SDK1: variants seen among roughly 807,000 people sequenced by gnomAD.
The protein encoded by SDK1 is protein sidekick-1.
In SDK1, 157 loss-of-function variants were observed where a neutral mutation model predicts 245.5. The observed-to-expected ratio is 0.64, with a 90% confidence interval of 0.56 to 0.73. The LOEUF (loss-of-function observed/expected upper bound fraction) is 0.73, where lower values mean the gene tolerates loss of function less well. Ranked by LOEUF, SDK1 falls within the 30% of genes least tolerant of loss-of-function variation. The pLI, the probability that SDK1 is intolerant of heterozygous loss-of-function variation, is 0.00. For synonymous variants in SDK1, 1,647 were observed against 1,278.5 expected (o/e 1.29, Z -6.15); for missense variants, 3,583 against 3,002.3 (o/e 1.19, Z -4.52).
intron 4 of SDK1, among the ~76,000 whole-genome samples, chr7:3,699,892 G>C (rs529193898): frequency 1.3e-5 from 2 of 152,090 alleles, no homozygotes; most frequent in African/African-American, 4.8e-5. Flanking sequence ...TGCACATCAA[G>C]AAACATAGTA....
intron 22 of SDK1, among the ~76,000 whole-genome samples, chr7:4,091,458 T>G (rs946489341): frequency 6.7e-6 from 1 of 148,730 alleles, no homozygotes; most frequent in Non-Finnish European, 1.5e-5. Context: ...TTCTCATGCC[T>G]CAGCTTCCTG....
At position 3,312,484 on chromosome 7, in the gene SDK1, T is replaced by C. The variant is rs550066568; in HGVS notation, c.298+10600T>C. On this transcript the variant is annotated intron_variant, in intron 1 of 44. Coordinates refer to ENST00000404826, the MANE Select transcript of SDK1 (RefSeq NM_152744.4). ...AGAGATGAAAGGGGTAAGATCATAA[T>C]GAAAGAGCACAGATTAGAAAAATAA... Among the ~76,000 whole-genome samples the C allele has an allele frequency of 4.7e-4, 72 of 152,016 alleles. 1 individual carries two copies. Among genetic ancestry groups the C allele is most frequent in the African/African-American group, 1.7e-3 (70 of 41,454 alleles).
intron 2 of SDK1, among the ~76,000 whole-genome samples, chr7:3,636,433 C>G (rs1782459347): frequency 1.3e-5 from 2 of 152,318 alleles, no homozygotes; most frequent in Admixed American, 1.3e-4. Flanking sequence ...GACTATTTTA[C>G]ATTCCTCTTA....
intron 22 of SDK1, among the ~76,000 whole-genome samples, chr7:4,110,244 C>G (rs1277624194): frequency 6.6e-6 from 1 of 152,186 alleles, no homozygotes; most frequent in Non-Finnish European, 1.5e-5. Flanking sequence ...GTGCCCACAG[C>G]TCTGTCACTG....
chr7:3,864,858 A>G (rs1053295004), intron 5 of SDK1, among the ~76,000 whole-genome samples: 3 of 152,232 alleles, frequency 2.0e-5, no homozygotes, highest in Admixed American at 6.5e-5. Context: ...CACTAATACC[A>G]GTAGTGACGA....
At chr7:3,560,379 C>G (rs1324532076) in intron 1 of SDK1, among the ~76,000 whole-genome samples, 2 of 151,458 alleles carry the variant, frequency 1.3e-5, no homozygotes, top group African/African-American at 4.9e-5. Flanking sequence ...GTGTGTTTTT[C>G]CAGTTGATTG....
chr7:3,498,674 TC>T (rs1445343646), intron 1 of SDK1, among the ~76,000 whole-genome samples: 1 of 152,126 alleles, frequency 6.6e-6, no homozygotes, highest in African/African-American at 2.4e-5. Context: ...ATGTGTTTCT[TC>T]AGCTCTCTGC....
intron 1 of SDK1, among the ~76,000 whole-genome samples, chr7:3,456,858 G>A (rs186779194): frequency 6.6e-6 from 1 of 152,230 alleles, no homozygotes; most frequent in East Asian, 1.9e-4. Context: ...AGCCCCCTTA[G>A]TTAGGTTTAG....
chr7:3,630,739 AAGAG>A (rs1163584552), intron 2 of SDK1, among the ~76,000 whole-genome samples: 3 of 152,204 alleles, frequency 2.0e-5, no homozygotes, highest in Non-Finnish European at 2.9e-5. Context: ...ACAATGCTGA[AAGAG>A]AGAAGAAAAA....
intron 4 of SDK1, among the ~76,000 whole-genome samples, chr7:3,730,158 A>G (rs1424558958): frequency 2.0e-5 from 3 of 152,158 alleles, no homozygotes; most frequent in Non-Finnish European, 4.4e-5. Flanking sequence ...TCCCTTTGAA[A>G]CAGAGATGAC....
intron 4 of SDK1, among the ~76,000 whole-genome samples, chr7:3,716,287 C>G (rs558901785): frequency 1.3e-5 from 2 of 151,934 alleles, no homozygotes; most frequent in Admixed American, 1.3e-4. Context: ...ACTCCACAAG[C>G]CTACAGATTC....
At chr7:3,391,246 AATAG>A (rs369136965) in intron 1 of SDK1, among the ~76,000 whole-genome samples, 28 of 152,304 alleles carry the variant, frequency 1.8e-4, no homozygotes, top group South Asian at 1.4e-3. Context: ...CCAGCGAAAT[AATAG>A]ATAGACTCCA....
chr7:4,053,903 T>C (rs866941554), intron 19 of SDK1, among the ~76,000 whole-genome samples: 1 of 151,806 alleles, frequency 6.6e-6, no homozygotes, highest in Non-Finnish European at 1.5e-5. Context: ...GTTTTTTGGG[T>C]TTTTTGTTGT....
intron 2 of SDK1, among the ~76,000 whole-genome samples, chr7:3,636,831 C>T (rs10263338): frequency 0.36 from 55,297 of 151,994 alleles, 11,161 homozygotes; most frequent in African/African-American, 0.54. Context: ...TTTTTCTCCA[C>T]GTTGTCAGCA....
intron 14 of SDK1, among the ~76,000 whole-genome samples, chr7:3,996,046 T>C (rs1019000074): frequency 2.6e-5 from 4 of 152,254 alleles, no homozygotes; most frequent in South Asian, 4.1e-4. Flanking sequence ...GGTTTAATTT[T>C]TAATATATTT....
chr7:4,085,066 A>C (rs955980736), intron 22 of SDK1, among the ~76,000 whole-genome samples: 1 of 152,144 alleles, frequency 6.6e-6, no homozygotes, highest in African/African-American at 2.4e-5. Context: ...CGCCCAGCCT[A>C]AATGTATATT....
chr7:3,546,067 G>C (rs1163462844), intron 1 of SDK1, among the ~76,000 whole-genome samples: 2 of 152,168 alleles, frequency 1.3e-5, no homozygotes, highest in African/African-American at 4.8e-5. Flanking sequence ...TAATCGTTGG[G>C]ATGCAAAACA....
chr7:3,888,798 T>C (rs1416567040), intron 5 of SDK1, among the ~76,000 whole-genome samples: 7 of 152,232 alleles, frequency 4.6e-5, no homozygotes, highest in Non-Finnish European at 1.0e-4. Flanking sequence ...AAGTTATTGG[T>C]GCAGATTTCG....
Position 4,127,486 on chromosome 7 carries a change from T to G in SDK1, c.3929T>G (p.Leu1310Arg). The change falls in exon 26 of 45, where the codon CTG (leucine) becomes CGG (arginine). Residue 1310 changes from leucine to arginine, a missense_variant. By Grantham distance (102) the Leu-to-Arg change is moderately radical (BLOSUM62 -2). Coordinates refer to ENST00000404826, the MANE Select transcript of SDK1 (RefSeq NM_152744.4). ...VPEQDQNGLI[L>R]GYKILFRAKD... is the part of the protein sequence containing the mutation. ...GAACAGGACCAGAATGGGCTCATAC[T>G]GGGCTACAAGGTGTGTGATCACAGG... The G allele has an allele frequency of 3.1e-6, 5 of 1,613,082 alleles. No individual in the cohort carries two copies. Among genetic ancestry groups the G allele is most frequent in the African/African-American group, 1.3e-5 (1 of 75,046 alleles).
Sources: allele counts gnomAD v4.1 joint callset (sites outside exome capture counted in the v4.1 genomes callset), GRCh38; gene constraint gnomAD v4.1.1; transcripts MANE v1.5; gene names NCBI Gene and HGNC (gene_info 2026-07-23, HGNC 2026-07-21).